The following LRRC4C variants were observed in gnomAD, a reference collection of about 807,000 sequenced individuals.
The protein encoded by LRRC4C is leucine-rich repeat-containing protein 4C.
A neutral mutation model predicts 33.6 loss-of-function variants in LRRC4C; 5 were observed. The ratio of observed to expected loss-of-function variants is 0.15; its 90% CI spans 0.08 to 0.31. LRRC4C has a LOEUF of 0.31. Ranked by LOEUF, LRRC4C falls within the 10% of genes least tolerant of loss-of-function variation. The probability of loss-of-function intolerance (pLI) is 1.00; values close to 1 mark genes in which losing one functional copy is unlikely to be tolerated. For synonymous variants in LRRC4C, 329 were observed against 302.0 expected, an observed-to-expected ratio of 1.09 and a Z score of -0.93; for missense variants, 560 against 796.7, an observed-to-expected ratio of 0.70 and a Z score of 3.58.
At chr11:40,146,858 C>T (rs1857774149) in intron 5 of LRRC4C, among the ~76,000 whole-genome samples, 1 of 152,128 alleles carries the variant, frequency 6.6e-6, no homozygotes, top group African/African-American at 2.4e-5. Flanking sequence ...TATCTAGATA[C>T]TGTGGGAACT....
intron 1 of LRRC4C, among the ~76,000 whole-genome samples, chr11:41,414,603 T>A (rs1395491519): frequency 6.6e-6 from 1 of 151,914 alleles, no homozygotes; most frequent in African/African-American, 2.4e-5. Context: ...GGAGTCCTGG[T>A]TTTTGGAGAG....
chr11:41,167,660 A>G (rs555984916), intron 1 of LRRC4C, among the ~76,000 whole-genome samples: 1 of 152,304 alleles, frequency 6.6e-6, no homozygotes, highest in South Asian at 2.1e-4. Flanking sequence ...TTATACTGAT[A>G]CTTTGGCCCA....
At chr11:40,667,704 G>C (rs761251722) in intron 2 of LRRC4C, among the ~76,000 whole-genome samples, 1 of 152,182 alleles carries the variant, frequency 6.6e-6, no homozygotes, top group Non-Finnish European at 1.5e-5. Context: ...CTGATAGCCA[G>C]TGAGAAATGG....
chr11:41,436,533 CAAT>C (rs976431912), intron 1 of LRRC4C, among the ~76,000 whole-genome samples: 5 of 152,148 alleles, frequency 3.3e-5, no homozygotes, highest in African/African-American at 1.2e-4. Flanking sequence ...CCCACAGTGG[CAAT>C]AATGTCTATG....
At chr11:40,434,153 C>T (rs1951047949) in intron 3 of LRRC4C, among the ~76,000 whole-genome samples, 1 of 151,992 alleles carries the variant, frequency 6.6e-6, no homozygotes, top group South Asian at 2.1e-4. Flanking sequence ...TCTCATGGTC[C>T]CCCATCTACA....
intron 2 of LRRC4C, among the ~76,000 whole-genome samples, chr11:40,871,430 C>G (rs1954639924): frequency 6.6e-6 from 1 of 152,216 alleles, no homozygotes; most frequent in South Asian, 2.1e-4. Flanking sequence ...AAATTTCTCT[C>G]TTTTGTACTC....
chr11:41,131,847 A>T (rs1943028020), intron 1 of LRRC4C, among the ~76,000 whole-genome samples: 2 of 152,094 alleles, frequency 1.3e-5, no homozygotes, highest in Admixed American at 1.3e-4. Context: ...AGACACACCC[A>T]TCATCACCAT....
intron 1 of LRRC4C, among the ~76,000 whole-genome samples, chr11:41,126,359 T>C (rs1033436311): frequency 6.6e-6 from 1 of 151,946 alleles, no homozygotes; most frequent in African/African-American, 2.4e-5. Flanking sequence ...AAAACCTTTT[T>C]GTAGTTCACT....
intron 3 of LRRC4C, among the ~76,000 whole-genome samples, chr11:40,359,005 T>C (rs912466793): frequency 1.3e-5 from 2 of 152,186 alleles, no homozygotes; most frequent in Non-Finnish European, 2.9e-5. Context: ...TTTCATCAGC[T>C]TAAAAAGCCA....
At chr11:40,350,807 T>C (rs1947349246) in intron 3 of LRRC4C, among the ~76,000 whole-genome samples, 1 of 152,044 alleles carries the variant, frequency 6.6e-6, no homozygotes, top group Non-Finnish European at 1.5e-5. Flanking sequence ...AGAGATCTTT[T>C]ACTTCTTTGG....
chr11:40,865,653 C>T (rs1481464403), intron 2 of LRRC4C, among the ~76,000 whole-genome samples: 1 of 151,566 alleles, frequency 6.6e-6, no homozygotes, highest in Admixed American at 6.6e-5. Context: ...AAAATCTCAA[C>T]AGGTGGGTTA....
chr11:40,187,327 C>CTTT (rs984027757), intron 5 of LRRC4C, among the ~76,000 whole-genome samples: 1 of 140,160 alleles, frequency 7.1e-6, no homozygotes, highest in Non-Finnish European at 1.6e-5. Context: ...AATTTTCTTT[C>CTTT]TTTTTTTTTT....
chr11:40,449,272 G>A (rs553773337), intron 3 of LRRC4C, among the ~76,000 whole-genome samples: 2 of 151,560 alleles, frequency 1.3e-5, no homozygotes, highest in South Asian at 4.2e-4. Flanking sequence ...TAAACATTGG[G>A]GTATTTACTT....
At chr11:40,856,538 T>G (rs1953791253) in intron 2 of LRRC4C, among the ~76,000 whole-genome samples, 1 of 152,216 alleles carries the variant, frequency 6.6e-6, no homozygotes, top group South Asian at 2.1e-4. Flanking sequence ...AATATTCAAT[T>G]TTATTTATGG....
intron 3 of LRRC4C, among the ~76,000 whole-genome samples, chr11:40,496,790 T>C (rs1954484378): frequency 6.6e-6 from 1 of 152,170 alleles, no homozygotes; most frequent in South Asian, 2.1e-4. Flanking sequence ...CCAATCACCC[T>C]CCGACCCAGC....
At chr11:41,367,133 A>T (rs1591363507) in intron 1 of LRRC4C, among the ~76,000 whole-genome samples, 1 of 152,156 alleles carries the variant, frequency 6.6e-6, no homozygotes, top group African/African-American at 2.4e-5. Context: ...TGTTGCATTG[A>T]GAGATGAGGC....
intron 2 of LRRC4C, among the ~76,000 whole-genome samples, chr11:40,787,337 T>C (rs1227096883): frequency 1.3e-5 from 2 of 152,138 alleles, no homozygotes; most frequent in East Asian, 3.9e-4. Flanking sequence ...TGGGTGACAG[T>C]CCGTTAGTGA....
intron 1 of LRRC4C, among the ~76,000 whole-genome samples, chr11:41,147,762 A>G (rs867802258): frequency 2.0e-5 from 3 of 152,166 alleles, no homozygotes; most frequent in African/African-American, 7.2e-5. Flanking sequence ...TTATCAAAGA[A>G]GATATGCAGA....
chr11:40,198,985 G>A (rs1044503878), intron 5 of LRRC4C, among the ~76,000 whole-genome samples: 2 of 152,212 alleles, frequency 1.3e-5, no homozygotes, highest in African/African-American at 4.8e-5. Context: ...CAAAGATTCC[G>A]AGGCAGGAGC....
Sources: allele counts gnomAD v4.1 joint callset (sites outside exome capture counted in the v4.1 genomes callset), GRCh38; gene constraint gnomAD v4.1.1; transcripts MANE v1.5; gene names NCBI Gene and HGNC (gene_info 2026-07-23, HGNC 2026-07-21).